Variants in DOK6 observed in about 807,000 individuals in gnomAD.
The protein encoded by DOK6 is docking protein 6, also known as downstream of tyrosine kinase 6.
Under a neutral mutation model 44.0 loss-of-function variants are expected in DOK6, and 22 were observed. That is an observed-to-expected ratio of 0.50 (90% CI 0.36 to 0.71). The LOEUF is 0.71. Ranked by LOEUF, DOK6 falls within the 30% of genes least tolerant of loss-of-function variation. The pLI, the probability that DOK6 is intolerant of heterozygous loss-of-function variation, is 0.00. For missense variants in DOK6, 340 were observed against 416.4 expected, an observed-to-expected ratio of 0.82 and a Z score of 1.60; for synonymous variants, 166 against 145.5, an observed-to-expected ratio of 1.14 and a Z score of -1.01.
intron 2 of DOK6, among the ~76,000 whole-genome samples, chr18:69,589,731 G>A (rs1300541376): frequency 6.6e-6 from 1 of 151,996 alleles, no homozygotes; most frequent in Admixed American, 6.6e-5. Flanking sequence ...AAGAAAAGAT[G>A]CATAAAATAA....
At chr18:69,744,309 CAAAA>C (rs3050449) in intron 6 of DOK6, among the ~76,000 whole-genome samples, 53 of 143,560 alleles carry the variant, frequency 3.7e-4, no homozygotes, top group East Asian at 1.2e-3. Flanking sequence ...GACTCCGTAT[CAAAA>C]AAAAAAAAAA....
chr18:69,539,564 C>T (rs963953831), intron 1 of DOK6, among the ~76,000 whole-genome samples: 1 of 150,866 alleles, frequency 6.6e-6, no homozygotes, highest in Non-Finnish European at 1.5e-5. Context: ...ACGTATATAT[C>T]CTCCAGGAGA....
chr18:69,530,043 C>A (rs17187529), intron 1 of DOK6, among the ~76,000 whole-genome samples: 2 of 151,972 alleles, frequency 1.3e-5, no homozygotes, highest in African/African-American at 4.8e-5. Context: ...TGAGGACAAA[C>A]GAGTTTATGC....
intron 3 of DOK6, among the ~76,000 whole-genome samples, chr18:69,645,477 G>A (rs1985048090): frequency 6.6e-6 from 1 of 152,126 alleles, no homozygotes; most frequent in Non-Finnish European, 1.5e-5. Context: ...GGGACCAATT[G>A]TATCAGATAT....
At chr18:69,496,230 G>A (rs1162510069) in intron 1 of DOK6, among the ~76,000 whole-genome samples, 1 of 152,238 alleles carries the variant, frequency 6.6e-6, no homozygotes, top group Non-Finnish European at 1.5e-5. Context: ...GGCACAACCT[G>A]AGTGTCTGTA....
intron 7 of DOK6, among the ~76,000 whole-genome samples, chr18:69,819,051 T>C (rs542326446): frequency 1.3e-5 from 2 of 152,238 alleles, no homozygotes; most frequent in African/African-American, 4.8e-5. Flanking sequence ...TTTTTTGCTA[T>C]CAGAGAATGT....
intron 1 of DOK6, among the ~76,000 whole-genome samples, chr18:69,520,953 G>A (rs1191996121): frequency 6.6e-6 from 1 of 151,876 alleles, no homozygotes; most frequent in Non-Finnish European, 1.5e-5. Flanking sequence ...ATGTTTGTCT[G>A]AGTAGAATAT....
At chr18:69,799,410 C>A (rs1980839495) in intron 7 of DOK6, among the ~76,000 whole-genome samples, 2 of 151,848 alleles carry the variant, frequency 1.3e-5, no homozygotes, top group African/African-American at 4.8e-5. Context: ...TAAAAACTAA[C>A]AGAATCAACT....
intron 5 of DOK6, among the ~76,000 whole-genome samples, chr18:69,707,625 C>A (rs917649395): frequency 2.6e-5 from 4 of 152,204 alleles, no homozygotes; most frequent in Non-Finnish European, 5.9e-5. Flanking sequence ...ACTGATCTCT[C>A]ACTCATGCTA....
chr18:69,545,440 G>A (rs11151510), intron 1 of DOK6, among the ~76,000 whole-genome samples: 18,793 of 145,606 alleles, frequency 0.13, 2,030 homozygotes, highest in South Asian at 0.26. Context: ...AGCCATGTGT[G>A]TATTTTCTCC....
chr18:69,763,926 A>G (rs1568119630), intron 7 of DOK6, among the ~76,000 whole-genome samples: 1 of 152,226 alleles, frequency 6.6e-6, no homozygotes, highest in Non-Finnish European at 1.5e-5. Context: ...GATATGTGAC[A>G]TCAGGACCAC....
At chr18:69,565,049 T>C (rs1012799895) in intron 2 of DOK6, among the ~76,000 whole-genome samples, 1 of 152,218 alleles carries the variant, frequency 6.6e-6, no homozygotes, top group African/African-American at 2.4e-5. Context: ...TATGCTGATG[T>C]GTAGAGATAA....
chr18:69,560,651 T>C (rs1051179065), intron 1 of DOK6, among the ~76,000 whole-genome samples: 1 of 152,188 alleles, frequency 6.6e-6, no homozygotes, highest in Non-Finnish European at 1.5e-5. Context: ...TGGTTATAGA[T>C]GCACTGAACA....
intron 7 of DOK6, among the ~76,000 whole-genome samples, chr18:69,817,342 A>G (rs1008858762): frequency 3.3e-5 from 5 of 152,138 alleles, no homozygotes; most frequent in Non-Finnish European, 7.4e-5. Context: ...CCTTAAGGTT[A>G]TTTGACCCTA....
At chr18:69,797,209 A>G (rs1162199793) in intron 7 of DOK6, among the ~76,000 whole-genome samples, 1 of 152,164 alleles carries the variant, frequency 6.6e-6, no homozygotes, top group Admixed American at 6.6e-5. Context: ...TTTAAATTTA[A>G]TTATGTGTTG....
chr18:69,796,740 A>T (rs72951566), intron 7 of DOK6, among the ~76,000 whole-genome samples: 3,832 of 152,276 alleles, frequency 0.025, 60 homozygotes, highest in South Asian at 0.059. Flanking sequence ...GAAAAGAGGC[A>T]CAGTCAATCT....
chr18:69,730,992 C>A (rs946703067), intron 5 of DOK6, among the ~76,000 whole-genome samples: 20 of 151,998 alleles, frequency 1.3e-4, no homozygotes, highest in Admixed American at 5.9e-4. Flanking sequence ...GTAGATCAAA[C>A]ATATTCCTAC....
chr18:69,761,678 G>C (rs1332487034), intron 7 of DOK6, among the ~76,000 whole-genome samples: 2 of 152,248 alleles, frequency 1.3e-5, no homozygotes, highest in East Asian at 3.9e-4. Context: ...GGAGACAGGG[G>C]CAGGATTTCA....
At position 69,628,492 on chromosome 18, in the gene DOK6, A is replaced by AAT. The variant is rs150404944; in HGVS notation, c.289+29011_289+29012dup. On this transcript the variant is annotated intron_variant, in intron 3 of 7. Transcript: ENST00000382713. ...GTGACAGAGTAAGACTCTGTCTCAA[A>AAT]ATATATATATATATATATTTGGGAA... 4.7e-3 allele frequency among the ~76,000 whole-genome samples: 703 copies of AAT among 149,026 alleles called. 3 individuals are homozygous for AAT. The highest frequency in any genetic ancestry group is 0.017 in the East Asian group (89 of 5,122).
Sources: gnomAD v4.1 joint callset for allele counts (sites outside exome capture counted in the v4.1 genomes callset) on GRCh38, gnomAD v4.1.1 for gene constraint, MANE v1.5 for transcripts, NCBI Gene and HGNC (gene_info 2026-07-23, HGNC 2026-07-21) for gene names.